PDS5A: variants seen among roughly 807,000 people sequenced by gnomAD.
The protein encoded by PDS5A is sister chromatid cohesion protein PDS5 homolog A.
A neutral mutation model predicts 167.1 loss-of-function variants in PDS5A; 42 were observed. That is an observed-to-expected ratio of 0.25 (90% CI 0.20 to 0.33). The LOEUF (loss-of-function observed/expected upper bound fraction) is 0.33. Among genes scored for constraint, PDS5A ranks in the 10% least tolerant of loss-of-function variants. PDS5A has a pLI of 1.00. For missense variants in PDS5A, 1,033 were observed against 1,605.9 expected (o/e 0.64, Z 6.10); for synonymous variants, 553 against 554.6 (o/e 1.00, Z 0.04).
chr4:39,947,077 T>C (rs1018522059), intron 2 of PDS5A, among the ~76,000 whole-genome samples: 9 of 152,060 alleles, frequency 5.9e-5, no homozygotes, highest in Admixed American at 3.9e-4. Context: ...ACCCTATCTC[T>C]ATTGAGAAAA....
chr4:39,918,705 T>A (rs1724638334), intron 7 of PDS5A, among the ~76,000 whole-genome samples: 1 of 151,934 alleles, frequency 6.6e-6, no homozygotes, highest in South Asian at 2.1e-4. Context: ...AATATAAAAA[T>A]TAGCAGGGCG....
chr4:39,842,909 T>TTATATATATATA (rs71194933), intron 30 of PDS5A, among the ~76,000 whole-genome samples: 3,312 of 92,000 alleles, frequency 0.036, 144 homozygotes, highest in Middle Eastern at 0.075. Flanking sequence ...TATCCTATTT[T>TTATATATATATA]TATATATATA....
At chr4:39,932,005 C>T (rs1247073933) in intron 2 of PDS5A, among the ~76,000 whole-genome samples, 1 of 151,914 alleles carries the variant, frequency 6.6e-6, no homozygotes, top group Non-Finnish European at 1.5e-5. Context: ...GATTCTTCTG[C>T]CTCAGCCTCC....
chr4:39,920,402 G>GA lies in PDS5A; in HGVS notation c.655-4dup. ...TCAAAGGACTGTTTATTTAAGTTCTGAAAAATAATAAAAACATGGAAAGTT... is the reference window on the plus strand; with the variant it reads ...TCAAAGGACTGTTTATTTAAGTTCTGAAAAAATAATAAAAACATGGAAAGTT... On this transcript the variant is annotated splice_region_variant and splice_polypyrimidine_tract_variant and intron_variant, in intron 6 of 32. Transcript: ENST00000303538. The GA allele has an allele frequency of 7.1e-7, 1 of 1,400,692 alleles. No individual in the cohort carries two copies. Among genetic ancestry groups the GA allele is most frequent in the Non-Finnish European group, 1.0e-6 (1 of 996,896 alleles). The allele number at this position is 1,400,692 out of a possible 1,614,324, so 86.8% of individuals were successfully genotyped here.
intron 10 of PDS5A, 27 bp downstream of exon 10, chr4:39,910,217 A>G (rs772998790): frequency 2.5e-5 from 29 of 1,141,760 alleles, no homozygotes; most frequent in Middle Eastern, 3.9e-4. Context: ...GGTTATGCTA[A>G]TATGTGTAAT....
rs1205269426 is a variant in PDS5A, at chr4:39,898,479, G to A, written c.1680C>T (p.Asn560=). The A allele has an allele frequency of 3.1e-6, 5 of 1,600,214 alleles. No homozygotes were observed. Among genetic ancestry groups the A allele is most frequent in the South Asian group, 2.3e-5 (2 of 87,874 alleles). ...GKAQDFVKKF[N]QVLGDDEKLR... Reference sequence around the variant, plus strand: ...GTTTCTCATCATCGCCGAGAACCTGGTTAAATTTCTTCACAAAATCTTGTG... The same window carrying A: ...GTTTCTCATCATCGCCGAGAACCTGATTAAATTTCTTCACAAAATCTTGTG... The change falls in exon 16 of 33, where the codon AAC becomes AAT. Residue 560 remains asparagine, a synonymous_variant. Coordinates refer to ENST00000303538, the MANE Select transcript of PDS5A (RefSeq NM_001100399.2).
intron 8 of PDS5A, among the ~76,000 whole-genome samples, chr4:39,916,109 T>C (rs567387266): frequency 2.6e-5 from 4 of 151,908 alleles, no homozygotes; most frequent in Non-Finnish European, 5.9e-5. Flanking sequence ...TGGTGAGGTA[T>C]ACCTGTAGTC....
intron 2 of PDS5A, among the ~76,000 whole-genome samples, chr4:39,942,832 C>T (rs1387853683): frequency 2.0e-5 from 3 of 151,972 alleles, no homozygotes; most frequent in Non-Finnish European, 2.9e-5. Context: ...GCATAAAAAT[C>T]GTGTCTTCTC....
chr4:39,942,417 T>C (rs889271842), intron 2 of PDS5A, among the ~76,000 whole-genome samples: 1 of 152,182 alleles, frequency 6.6e-6, no homozygotes, highest in African/African-American at 2.4e-5. Context: ...CATACGCTCT[T>C]ACTAAATTCT....
chr4:39,858,678 C>T (rs1408999729), intron 26 of PDS5A, among the ~76,000 whole-genome samples: 1 of 152,114 alleles, frequency 6.6e-6, no homozygotes, highest in Non-Finnish European at 1.5e-5. Context: ...GGCTGGAGTG[C>T]AATGGTGTGA....
rs767404786 is a variant in PDS5A, at chr4:39,863,416, T to C, written c.2686A>G (p.Ile896Val). 4.3e-6 allele frequency: 7 copies of C among 1,610,092 alleles called. No individual in the cohort carries two copies. In the Admixed American group the frequency reaches 1.0e-4, roughly 23 times the overall value. ...SRLRLAAGSA[I>V]MKLAQEPCYH... ...CAAGGTTCCTGAGCAAGCTTCATTA[T>C]GGCACTACCAGCAGCTAATCGCAAG... Residue 896 changes from isoleucine to valine, a missense_variant, in exon 24 of 33, where the codon ATA (isoleucine) becomes GTA (valine). This residue lies in a region of PDS5A where 367 missense variants were observed against 686.7 expected (regional missense o/e 0.53). Coordinates refer to ENST00000303538, the MANE Select transcript of PDS5A (RefSeq NM_001100399.2).
chr4:39,927,060 C>T (rs920347130), intron 3 of PDS5A, among the ~76,000 whole-genome samples, 199 bp from the exon 4 acceptor site: 1 of 152,094 alleles, frequency 6.6e-6, no homozygotes, highest in South Asian at 2.1e-4. Context: ...TCTTTAGAAG[C>T]AAAAATAAAC....
At chr4:39,967,320 G>A (rs1221890333) in intron 2 of PDS5A, among the ~76,000 whole-genome samples, 1 of 149,864 alleles carries the variant, frequency 6.7e-6, no homozygotes, top group East Asian at 2.0e-4. Context: ...GAAAAGAAAA[G>A]AAACAAATTT....
intron 22 of PDS5A, 108 bp downstream of exon 22, chr4:39,869,286 C>T (rs1480811667): frequency 2.6e-6 from 2 of 755,670 alleles, no homozygotes; most frequent in African/African-American, 1.7e-5. Context: ...AACTGAGCAA[C>T]ACAGCAAGAT....
intron 5 of PDS5A, among the ~76,000 whole-genome samples, chr4:39,924,748 T>A (rs73129439): frequency 6.6e-6 from 1 of 152,224 alleles, no homozygotes; most frequent in Non-Finnish European, 1.5e-5. Context: ...AGAAAACTTA[T>A]GTGAGGTATG....
intron 2 of PDS5A, among the ~76,000 whole-genome samples, chr4:39,970,396 T>C (rs909428628): frequency 2.4e-4 from 37 of 151,468 alleles, no homozygotes; most frequent in South Asian, 6.2e-4. Flanking sequence ...CTAAGAATTA[T>C]TGTCAACGAA....
chr4:39,890,433 A>G, intron 16 of PDS5A, 69 bp from the exon 17 acceptor site: 1 of 837,630 alleles, frequency 1.2e-6, no homozygotes, highest in Non-Finnish European at 1.9e-6. Context: ...AAAATGACTA[A>G]GGAACTGAAA....
chr4:39,906,584 A>G (rs1218853229), intron 11 of PDS5A, among the ~76,000 whole-genome samples: 3 of 151,130 alleles, frequency 2.0e-5, no homozygotes, highest in African/African-American at 7.3e-5. Flanking sequence ...TAAGAAAAAT[A>G]ATAGTAAAAA....
chr4:39,853,586 G>A (rs929560285), intron 26 of PDS5A, among the ~76,000 whole-genome samples: 5 of 152,078 alleles, frequency 3.3e-5, no homozygotes, highest in Non-Finnish European at 5.9e-5. Flanking sequence ...CAGCAGTCCT[G>A]GAAAATTATT....
Sources: allele counts gnomAD v4.1 joint callset (sites outside exome capture counted in the v4.1 genomes callset), GRCh38; gene constraint gnomAD v4.1.1; regional missense constraint gnomAD v4.1.1; transcripts MANE v1.5; gene names NCBI Gene and HGNC (gene_info 2026-07-23, HGNC 2026-07-21).